Variants in ANKRD26 observed in about 807,000 individuals in gnomAD.
The protein encoded by ANKRD26 is ankyrin repeat domain-containing protein 26.
A neutral mutation model predicts 208.7 loss-of-function variants in ANKRD26; 141 were observed. That is an observed-to-expected ratio of 0.68 (90% confidence interval 0.59 to 0.78). ANKRD26 has a LOEUF of 0.78. ANKRD26 is among the 30% of genes least tolerant of loss of function. ANKRD26 has a pLI of 0.00. For synonymous variants in ANKRD26, 636 were observed against 660.4 expected (o/e 0.96, Z 0.57); for missense variants, 1,889 against 1,938.7 (o/e 0.97, Z 0.48).
Position 27,035,112 on chromosome 10 carries a change from T to C in ANKRD26, c.3338A>G (p.Gln1113Arg), listed in dbSNP as rs2054000239. The C allele has an allele frequency of 1.2e-6, 2 of 1,613,102 alleles. No homozygotes were observed. Among genetic ancestry groups the C allele is most frequent in the Non-Finnish European group, 1.7e-6 (2 of 1,179,510 alleles). Reference protein sequence around the residue: ...QTQCQMKEMEQKYQNEQVKVN... With the variant: ...QTQCQMKEMERKYQNEQVKVN... ...TTTAACTTGTTCATTTTGATACTTT[T>C]GTTCCATTTCCTTCATTTGACACTG... is the stretch of plus-strand genomic sequence containing the variant. The change falls in exon 24 of 34, where the codon CAA (glutamine) becomes CGA (arginine). Residue 1113 changes from glutamine to arginine, a missense_variant. Coordinates refer to ENST00000376087, the MANE Select transcript of ANKRD26 (RefSeq NM_014915.3).
chr10:26,951,025 T>C, the ANKRD26 span, among the ~76,000 whole-genome samples: 189 of 145,126 alleles, frequency 1.3e-3, 8 homozygotes, highest in African/African-American at 4.7e-3. Flanking sequence ...TTTTCTTTTT[T>C]TTTTTTTTTT....
At chr10:27,054,282 A>C (rs1365598110) in intron 15 of ANKRD26, among the ~76,000 whole-genome samples, 1 of 152,174 alleles carries the variant, frequency 6.6e-6, no homozygotes, top group Non-Finnish European at 1.5e-5. Flanking sequence ...CTAAACACTG[A>C]GGTTTAAAGA....
intron 11 of ANKRD26, among the ~76,000 whole-genome samples, chr10:27,065,859 CTTTTTTTTT>C (rs767106612): frequency 1.4e-5 from 1 of 72,960 alleles, no homozygotes; most frequent in Non-Finnish European, 2.5e-5. Context: ...ATAATTCTTT[CTTTTTTTTT>C]TTTTTTTTTT....
At chr10:26,991,278 T>C (rs1048054192), downstream of ANKRD26, among the ~76,000 whole-genome samples, 2 of 152,084 alleles carry the variant, frequency 1.3e-5, no homozygotes, top group African/African-American at 4.8e-5. Context: ...TTGCTAGATG[T>C]AAATAAAAGA....
the ANKRD26 span, among the ~76,000 whole-genome samples, chr10:26,956,526 G>T: frequency 6.6e-6 from 1 of 151,990 alleles, no homozygotes; most frequent in Non-Finnish European, 1.5e-5. Context: ...TAGCACTTTG[G>T]GAGGCCAAAG....
At chr10:27,014,191 G>T (rs1433530664) in intron 31 of ANKRD26, among the ~76,000 whole-genome samples, 3 of 151,736 alleles carry the variant, frequency 2.0e-5, no homozygotes, top group Non-Finnish European at 4.4e-5. Context: ...TAAGCAATCT[G>T]ATGACAATAT....
intron 29 of ANKRD26, among the ~76,000 whole-genome samples, chr10:27,021,930 T>C (rs2053503780): frequency 6.6e-6 from 1 of 152,220 alleles, no homozygotes; most frequent in African/African-American, 2.4e-5. Context: ...TCCTTATAGA[T>C]GCCGGATATA....
chr10:27,065,546 A>C (rs921942185), intron 11 of ANKRD26, among the ~76,000 whole-genome samples: 1 of 152,068 alleles, frequency 6.6e-6, no homozygotes, highest in Non-Finnish European at 1.5e-5. Context: ...AAGTACCCTG[A>C]ATATTTATTG....
Position 27,033,393 on chromosome 10 carries a change from G to A in ANKRD26, c.3655-16C>T. ...TCACAACAACCTGATAAGACATTTTGTTACTGATTTTATAAATCACCTTAT... is the reference window on the plus strand; with the variant it reads ...TCACAACAACCTGATAAGACATTTTATTACTGATTTTATAAATCACCTTAT... On this transcript the variant is annotated splice_polypyrimidine_tract_variant and intron_variant, in intron 24 of 33. Coordinates refer to ENST00000376087, the MANE Select transcript of ANKRD26 (RefSeq NM_014915.3). 14 of 1,604,930 alleles carry A rather than the reference G, an allele frequency of 8.7e-6. No homozygotes were observed. Among genetic ancestry groups the A allele is most frequent in the Non-Finnish European group, 1.2e-5 (14 of 1,174,848 alleles).
rs12573419 is a variant in ANKRD26 at position 27,046,186 on chromosome 10, T to C, written c.1985+167A>G. On this transcript the variant is annotated intron_variant, in intron 18 of 33. Coordinates refer to ENST00000376087, the MANE Select transcript of ANKRD26 (RefSeq NM_014915.3). Reference sequence around the variant, plus strand: ...TATAGTCAGGGCTCCATGGTGACCATTTATTGAAATGGCTGCTTGTCAAAG... The same window carrying C: ...TATAGTCAGGGCTCCATGGTGACCACTTATTGAAATGGCTGCTTGTCAAAG... 0.026 allele frequency: 19,399 copies of C among 736,826 alleles called. 1,414 individuals are homozygous for C. The highest frequency in any genetic ancestry group is 0.21 in the East Asian group (7,490 of 36,190). The allele number at this position is 736,826 out of a possible 1,614,324, so 45.6% of individuals were successfully genotyped here. A position where few individuals can be genotyped will look rare whatever the true frequency, so the allele number is the denominator to read the frequency against.
chr10:27,063,517 C>T (rs561915809), intron 12 of ANKRD26, among the ~76,000 whole-genome samples: 1 of 152,186 alleles, frequency 6.6e-6, no homozygotes, highest in South Asian at 2.1e-4. Context: ...GACAGGGTTT[C>T]ACCATGTTGG....
At chr10:26,952,226 C>T in the ANKRD26 span, among the ~76,000 whole-genome samples, 3 of 152,144 alleles carry the variant, frequency 2.0e-5, no homozygotes, top group African/African-American at 7.2e-5. Context: ...TGCCTCCTGA[C>T]TGACCTTGAT....
At chr10:27,021,574 C>T (rs1332849646) in intron 29 of ANKRD26, among the ~76,000 whole-genome samples, 1 of 152,152 alleles carries the variant, frequency 6.6e-6, no homozygotes, top group Non-Finnish European at 1.5e-5. Context: ...ACCTTTTGGT[C>T]ATTCGTATGT....
chr10:27,038,500 A>T (rs929238995), intron 21 of ANKRD26, among the ~76,000 whole-genome samples: 1 of 151,918 alleles, frequency 6.6e-6, no homozygotes, highest in Non-Finnish European at 1.5e-5. Context: ...AAATACAAAA[A>T]ATTAGACAGG....
chr10:27,017,936 T>C, intron 29 of ANKRD26, 144 bp from the exon 30 acceptor site: 1 of 776,290 alleles, frequency 1.3e-6, no homozygotes, highest in Non-Finnish European at 2.0e-6. Context: ...ATGTGGACCC[T>C]TAAATTACCC....
intron 11 of ANKRD26, among the ~76,000 whole-genome samples, chr10:27,065,375 T>C (rs1412681850): frequency 1.3e-5 from 2 of 152,134 alleles, no homozygotes; most frequent in Non-Finnish European, 2.9e-5. Flanking sequence ...AGTTCAAACA[T>C]TTAAAATCTC....
At chr10:26,964,038 A>C in the ANKRD26 span, among the ~76,000 whole-genome samples, 1 of 147,188 alleles carries the variant, frequency 6.8e-6, no homozygotes, top group Non-Finnish European at 1.5e-5. Flanking sequence ...CAGCCTCCCA[A>C]GTGTAGCTGG....
chr10:27,082,983 A>G, intron 5 of ANKRD26, 150 bp from the exon 6 acceptor site: 1 of 1,192,774 alleles, frequency 8.4e-7, no homozygotes, highest in Non-Finnish European at 1.1e-6. Flanking sequence ...TAAATATTCC[A>G]TTATACTCAC....
chr10:26,979,420 A>T (rs1318776752), intron 5 of ANKRD26, among the ~76,000 whole-genome samples: 1 of 152,166 alleles, frequency 6.6e-6, no homozygotes, highest in Admixed American at 6.5e-5. Context: ...GCATATTAGG[A>T]ACACATGGGA....
Sources: gnomAD v4.1 joint callset for allele counts (sites outside exome capture counted in the v4.1 genomes callset) on GRCh38, gnomAD v4.1.1 for gene constraint, MANE v1.5 for transcripts, NCBI Gene and HGNC (gene_info 2026-07-23, HGNC 2026-07-21) for gene names.